NTN4: variants seen among roughly 807,000 people sequenced by gnomAD.
The protein encoded by NTN4 is netrin-4.
NTN4 carries 32 observed loss-of-function variants against 73.6 expected under a neutral mutation model. The ratio of observed to expected loss-of-function variants is 0.44; its 90% CI spans 0.33 to 0.58. The LOEUF (loss-of-function observed/expected upper bound fraction) is 0.58, where lower values mean the gene tolerates loss of function less well. NTN4 is among the 20% of genes least tolerant of loss of function. The pLI, the probability that NTN4 is intolerant of heterozygous loss-of-function variation, is 0.04. For missense variants in NTN4, 654 were observed against 798.3 expected (o/e 0.82, Z 2.18); for synonymous variants, 258 against 287.5 (o/e 0.90, Z 1.04).
At chr12:95,717,345 C>A (rs547583754) in intron 3 of NTN4, among the ~76,000 whole-genome samples, 1 of 152,140 alleles carries the variant, frequency 6.6e-6, no homozygotes, top group African/African-American at 2.4e-5. Context: ...CAAACATTCA[C>A]ATGTATCACA....
At chr12:95,729,856 A>C (rs1244210598) in intron 3 of NTN4, among the ~76,000 whole-genome samples, 2 of 152,206 alleles carry the variant, frequency 1.3e-5, no homozygotes, top group Non-Finnish European at 2.9e-5. Flanking sequence ...GTGCACCAGA[A>C]GTCAGATATC....
chr12:95,705,947 G>C (rs1216760211), intron 5 of NTN4, among the ~76,000 whole-genome samples: 1 of 152,150 alleles, frequency 6.6e-6, no homozygotes, highest in Non-Finnish European at 1.5e-5. Flanking sequence ...AATTGCTCAA[G>C]TTCGTTGATG....
rs1373436879 is a variant in NTN4, at chr12:95,781,466, G to A, written c.585+5473C>T. Among the ~76,000 whole-genome samples, 2 of 152,126 alleles carry A rather than the reference G, an allele frequency of 1.3e-5. No homozygotes were observed. The highest frequency in any genetic ancestry group is 2.4e-5 in the African/African-American group (1 of 41,412). ...GTTTTAAAAATAGCAAACCTGGGTG[G>A]GAGGAGGGCGAGCATCAGGAAGAAT... On this transcript the variant is annotated intron_variant, in intron 2 of 9. Transcript: ENST00000343702. This position sits in a 1 kb window ranked among gnomAD's most constrained non-coding sequence, Gnocchi z 4.1.
At chr12:95,676,816 A>T (rs1322639717) in intron 7 of NTN4, among the ~76,000 whole-genome samples, 3 of 152,230 alleles carry the variant, frequency 2.0e-5, no homozygotes, top group African/African-American at 7.2e-5. Context: ...TCAGTATAAG[A>T]CAATAAGAAA....
At chr12:95,770,216 G>A (rs1452429531) in intron 2 of NTN4, among the ~76,000 whole-genome samples, 1 of 152,200 alleles carries the variant, frequency 6.6e-6, no homozygotes, top group African/African-American at 2.4e-5. Context: ...GAATGAGTAA[G>A]AAAGGTGGGA....
intron 9 of NTN4, 96 bp downstream of exon 9, chr12:95,665,714 G>A: frequency 1.1e-6 from 1 of 911,280 alleles, no homozygotes; most frequent in Non-Finnish European, 1.6e-6. Context: ...AGATGTTCTT[G>A]CTGAGTTTGT....
intron 7 of NTN4, among the ~76,000 whole-genome samples, chr12:95,682,378 C>T (rs1049580675): frequency 6.6e-6 from 1 of 150,806 alleles, no homozygotes; most frequent in Non-Finnish European, 1.5e-5. Context: ...GTGAGAAAAA[C>T]ATACCAAAGT....
rs150913358 is a variant in NTN4, at chr12:95,732,184, T to C, written c.864+5682A>G. ...TTAAATCTCCTGTTCGTTTCCTTAA[T>C]ACCTTAAAGATTGAAGAGCTTTCTT... On this transcript the variant is annotated intron_variant, in intron 3 of 9. Coordinates refer to ENST00000343702, the MANE Select transcript of NTN4 (RefSeq NM_021229.4). Among the ~76,000 whole-genome samples the C allele has an allele frequency of 2.1e-3, 323 of 152,248 alleles. 1 individual carries two copies. The highest frequency in any genetic ancestry group is 7.3e-3 in the African/African-American group (302 of 41,560).
At chr12:95,709,924 T>A (rs1180763357) in intron 5 of NTN4, among the ~76,000 whole-genome samples, 1 of 152,192 alleles carries the variant, frequency 6.6e-6, no homozygotes, top group Non-Finnish European at 1.5e-5. Context: ...ATAAAATTAA[T>A]ATGATTTCCT....
At chr12:95,700,080 A>ATTTTTTTTTTTTTTTT (rs56063223) in intron 5 of NTN4, among the ~76,000 whole-genome samples, 7 of 41,820 alleles carry the variant, frequency 1.7e-4, no homozygotes, top group Non-Finnish European at 2.1e-4. Context: ...TAAAGTGAGG[A>ATTTTTTTTTTTTTTTT]TTTTTTTTTT....
intron 9 of NTN4, among the ~76,000 whole-genome samples, chr12:95,664,224 T>G (rs1261094758): frequency 6.6e-6 from 1 of 152,008 alleles, no homozygotes; most frequent in Admixed American, 6.6e-5. Flanking sequence ...CAGCTAATTA[T>G]TTAAAAAATT....
chr12:95,719,366 G>A (rs1211110765), intron 3 of NTN4, among the ~76,000 whole-genome samples: 1 of 152,102 alleles, frequency 6.6e-6, no homozygotes, highest in East Asian at 1.9e-4. Flanking sequence ...ATGGACCATA[G>A]AAAAATGCCC....
At chr12:95,743,038 T>A (rs959415475) in intron 2 of NTN4, among the ~76,000 whole-genome samples, 1 of 152,218 alleles carries the variant, frequency 6.6e-6, no homozygotes, top group Admixed American at 6.5e-5. Context: ...CTTTATGGAT[T>A]TCTTCTCTTC....
chr12:95,663,621 C>T (rs772610959), intron 9 of NTN4: 1 of 152,178 alleles, frequency 6.6e-6, no homozygotes, highest in African/African-American at 2.4e-5. Context: ...TTTCTTTGGC[C>T]TTGGCTGTTG....
chr12:95,769,684 A>G (rs920435909), intron 2 of NTN4, among the ~76,000 whole-genome samples: 3 of 150,710 alleles, frequency 2.0e-5, no homozygotes, highest in African/African-American at 7.3e-5. Flanking sequence ...TGGTTGAAGT[A>G]TGGACATTGG....
At chr12:95,709,594 C>A (rs567990170) in intron 5 of NTN4, among the ~76,000 whole-genome samples, 1 of 144,980 alleles carries the variant, frequency 6.9e-6, no homozygotes, top group African/African-American at 2.6e-5. Context: ...AGTGCAGTGG[C>A]ACTATCCCAG....
In NTN4 at chr12:95,657,969, A is replaced by G. The variant is rs1030581552; in HGVS notation, c.*1117T>C. 6.6e-6 allele frequency: 1 copy of G among 152,668 alleles called. No homozygotes were observed. Among genetic ancestry groups the G allele is most frequent in the Non-Finnish European group, 1.5e-5 (1 of 68,038 alleles). 9.5% of individuals were successfully genotyped at this position (152,668 alleles called of 1,614,324 possible). On this transcript the variant is annotated 3_prime_UTR_variant, in exon 10 of 10. Coordinates refer to ENST00000343702, the MANE Select transcript of NTN4 (RefSeq NM_021229.4). ...CATGTTTTGTATATTCAAGTACAAA[A>G]GAAACTATGTATAGTGGTTATGCGT... is the stretch of plus-strand genomic sequence containing the variant.
intron 3 of NTN4, among the ~76,000 whole-genome samples, chr12:95,726,566 C>T (rs2078695536): frequency 6.6e-6 from 1 of 152,156 alleles, no homozygotes; most frequent in South Asian, 2.1e-4. Flanking sequence ...AATAATGCTT[C>T]TATGAACATT....
intron 2 of NTN4, 102 bp from the exon 3 acceptor site, chr12:95,738,246 G>A: frequency 9.0e-7 from 1 of 1,105,304 alleles, no homozygotes; most frequent in Non-Finnish European, 1.3e-6. Context: ...TATGTCATCT[G>A]TGAACGATAA....
Sources: gnomAD v4.1 joint callset for allele counts (sites outside exome capture counted in the v4.1 genomes callset) on GRCh38, gnomAD v4.1.1 for gene constraint, Gnocchi (gnomAD v3.1) non-coding constraint, MANE v1.5 for transcripts, NCBI Gene and HGNC (gene_info 2026-07-23, HGNC 2026-07-21) for gene names.